Variants in CSMD1 observed in about 807,000 individuals in gnomAD.
CSMD1 encodes CUB and sushi domain-containing protein 1.
Under a neutral mutation model 417.5 loss-of-function variants are expected in CSMD1, and 213 were observed. The ratio of observed to expected loss-of-function variants is 0.51; its 90% confidence interval spans 0.46 to 0.57. CSMD1 has a LOEUF of 0.57. CSMD1 is among the 20% of genes least tolerant of loss of function. CSMD1 has a pLI of 0.00. For synonymous variants in CSMD1, 2,862 were observed against 1,736.8 expected, an observed-to-expected ratio of 1.65 and a Z score of -16.11; for missense variants, 6,923 against 4,529.7, an observed-to-expected ratio of 1.53 and a Z score of -15.17.
chr8:4,633,076 A>T (rs60270323), intron 2 of CSMD1, among the ~76,000 whole-genome samples: 2,409 of 152,260 alleles, frequency 0.016, 50 homozygotes, highest in Middle Eastern at 0.048. Context: ...GGACAGCAGC[A>T]GATGTGTCAG....
intron 49 of CSMD1, among the ~76,000 whole-genome samples, chr8:3,056,013 G>T (rs772626880): frequency 6.6e-6 from 1 of 152,122 alleles, no homozygotes; most frequent in Non-Finnish European, 1.5e-5. Flanking sequence ...ATTATTATAC[G>T]CAGAAAATCT....
chr8:4,358,264 C>T (rs1159809482), intron 3 of CSMD1, among the ~76,000 whole-genome samples: 1 of 152,134 alleles, frequency 6.6e-6, no homozygotes, highest in African/African-American at 2.4e-5. Flanking sequence ...TTTTGCTTTA[C>T]CAGTGGGTGT....
intron 5 of CSMD1, among the ~76,000 whole-genome samples, chr8:3,934,418 G>A (rs147756228): frequency 1.3e-3 from 199 of 152,178 alleles, no homozygotes; most frequent in African/African-American, 4.0e-3. Context: ...AATGAACACC[G>A]GTAGTAATTG....
At chr8:4,131,523 A>G (rs914836304) in intron 3 of CSMD1, among the ~76,000 whole-genome samples, 1 of 152,200 alleles carries the variant, frequency 6.6e-6, no homozygotes, top group Non-Finnish European at 1.5e-5. Flanking sequence ...CATTATGTTT[A>G]ATATCAACGC....
At chr8:4,529,920 T>C (rs952035778) in intron 2 of CSMD1, among the ~76,000 whole-genome samples, 1 of 151,776 alleles carries the variant, frequency 6.6e-6, no homozygotes, top group Non-Finnish European at 1.5e-5. Flanking sequence ...TATTTATTTT[T>C]GTTTGTCTGT....
chr8:3,086,965 T>C (rs143807605), intron 49 of CSMD1, 132 bp downstream of exon 49: 3 of 826,474 alleles, frequency 3.6e-6, no homozygotes, highest in East Asian at 2.7e-5. Context: ...GTTTAATTCG[T>C]ACTGTTATAA....
At chr8:4,180,954 G>A (rs1700120) in intron 3 of CSMD1, among the ~76,000 whole-genome samples, 132,264 of 152,116 alleles carry the variant, frequency 0.87, 57,948 homozygotes, top group South Asian at 0.95. Context: ...TAATTAAGCC[G>A]GGGATGATGC....
intron 6 of CSMD1, among the ~76,000 whole-genome samples, chr8:3,727,282 C>G (rs747007777): frequency 1.3e-5 from 2 of 152,158 alleles, no homozygotes; most frequent in Non-Finnish European, 2.9e-5. Flanking sequence ...CATACACATA[C>G]CTTTGAGGCA....
intron 2 of CSMD1, among the ~76,000 whole-genome samples, chr8:4,432,572 G>C (rs1193823756): frequency 6.6e-6 from 1 of 152,130 alleles, no homozygotes; most frequent in East Asian, 1.9e-4. Context: ...ATGACTTAAA[G>C]ACAGGCAGTA....
intron 5 of CSMD1, among the ~76,000 whole-genome samples, chr8:3,801,928 G>C (rs1800480010): frequency 1.3e-5 from 2 of 152,224 alleles, no homozygotes; most frequent in East Asian, 1.9e-4. Context: ...ATAGGGTGGG[G>C]AGTCAGGGTA....
intron 9 of CSMD1, among the ~76,000 whole-genome samples, chr8:3,575,566 A>G (rs1246932139): frequency 6.6e-6 from 1 of 152,204 alleles, no homozygotes; most frequent in Non-Finnish European, 1.5e-5. Context: ...TCAACTTTAA[A>G]AAAGGGTTTT....
intron 5 of CSMD1, among the ~76,000 whole-genome samples, chr8:3,939,793 C>G (rs1331736773): frequency 6.6e-6 from 1 of 152,074 alleles, no homozygotes; most frequent in Admixed American, 6.6e-5. Flanking sequence ...CATATGTTCT[C>G]ACTTGTGAGA....
At chr8:3,880,319 C>T (rs937130639) in intron 5 of CSMD1, among the ~76,000 whole-genome samples, 2 of 152,108 alleles carry the variant, frequency 1.3e-5, no homozygotes, top group Non-Finnish European at 2.9e-5. Context: ...AAAAACTATC[C>T]CATTATTACT....
At chr8:4,747,200 G>A (rs1458496804) in intron 1 of CSMD1, among the ~76,000 whole-genome samples, 1 of 152,130 alleles carries the variant, frequency 6.6e-6, no homozygotes, top group Non-Finnish European at 1.5e-5. Flanking sequence ...CTTGTCTCTT[G>A]GAGAATTTCT....
At chr8:4,713,252 A>T (rs1808424079) in intron 1 of CSMD1, among the ~76,000 whole-genome samples, 1 of 152,202 alleles carries the variant, frequency 6.6e-6, no homozygotes, top group African/African-American at 2.4e-5. Context: ...TCAAGTACAG[A>T]AGGAATGCGG....
chr8:4,419,626 G>T lies in CSMD1; in HGVS notation c.415+327C>A, dbSNP rs571568536. On this transcript the variant is annotated intron_variant, in intron 3 of 69. Transcript: ENST00000635120. ...ACCAAAAATTTAATGAAACTCTTCT[G>T]CATTAAAAATGAACTCTTTACCACG... Among the ~76,000 whole-genome samples, 474 of 152,226 alleles carry T rather than the reference G, an allele frequency of 3.1e-3. 4 individuals are homozygous for T. Among genetic ancestry groups the T allele is most frequent in the African/African-American group, 0.011 (442 of 41,528 alleles).
At chr8:4,513,804 C>G (rs1044809742) in intron 2 of CSMD1, among the ~76,000 whole-genome samples, 3 of 152,178 alleles carry the variant, frequency 2.0e-5, no homozygotes, top group Non-Finnish European at 2.9e-5. Context: ...GGGAATATTA[C>G]TTAAGCTACG....
intron 2 of CSMD1, among the ~76,000 whole-genome samples, chr8:4,553,056 T>C (rs895442062): frequency 6.6e-6 from 1 of 152,220 alleles, no homozygotes; most frequent in Non-Finnish European, 1.5e-5. Flanking sequence ...ATTTTCAAAA[T>C]GTTAAAATAA....
chr8:4,655,224 C>T (rs138549960), intron 1 of CSMD1, among the ~76,000 whole-genome samples: 1 of 152,122 alleles, frequency 6.6e-6, no homozygotes, highest in African/African-American at 2.4e-5. Flanking sequence ...CTTCTACCTG[C>T]AAATCTTACC....
Sources: allele counts gnomAD v4.1 joint callset (sites outside exome capture counted in the v4.1 genomes callset), GRCh38; gene constraint gnomAD v4.1.1; transcripts MANE v1.5; gene names NCBI Gene and HGNC (gene_info 2026-07-23, HGNC 2026-07-21).